Variants in FRMD6 observed in about 807,000 individuals in gnomAD.
FRMD6 encodes FERM domain-containing protein 6.
In FRMD6, 37 loss-of-function variants were observed where a neutral mutation model predicts 73.2. That is an observed-to-expected ratio of 0.51 (90% CI 0.39 to 0.66). The LOEUF is 0.66. Ranked by LOEUF, FRMD6 falls within the 30% of genes least tolerant of loss-of-function variation. The probability of loss-of-function intolerance (pLI) is 0.00; values close to 1 mark genes in which losing one functional copy is unlikely to be tolerated. For missense variants in FRMD6, 714 were observed against 780.5 expected (o/e 0.91, Z 1.02); for synonymous variants, 273 against 282.2 (o/e 0.97, Z 0.33).
the FRMD6 span, among the ~76,000 whole-genome samples, chr14:51,406,397 G>C: frequency 1.1e-4 from 16 of 151,996 alleles, 1 homozygote; most frequent in Admixed American, 1.0e-3. Context: ...CATTGAACCT[G>C]TAAATTGCTG....
At chr14:51,643,836 T>A (rs192664894) in intron 2 of FRMD6, 4 of 152,288 alleles carry the variant, frequency 2.6e-5, no homozygotes, top group African/African-American at 7.2e-5. Flanking sequence ...AACTATTCTG[T>A]TCCCAAGCGT....
Position 51,709,619 on chromosome 14 carries a change from C to T in FRMD6, c.714+1386C>T, listed in dbSNP as rs905227948. ...TTAATGCCCCATCTTCCTTGAAAGG[C>T]ATAATTGAGTTCCATAAGATCTGTT... is the stretch of plus-strand genomic sequence containing the variant. On this transcript the variant is annotated intron_variant, in intron 7 of 13. Transcript: ENST00000344768. 5.3e-5 allele frequency among the ~76,000 whole-genome samples: 8 copies of T among 152,248 alleles called. No homozygotes were observed. The South Asian group carries it at 1.7e-3, about 32-fold the overall frequency.
At chr14:51,465,202 A>G in the FRMD6 span, among the ~76,000 whole-genome samples, 2 of 152,224 alleles carry the variant, frequency 1.3e-5, no homozygotes, top group African/African-American at 4.8e-5. Context: ...CGATAATGCT[A>G]TTTTTAGGTT....
At chr14:51,588,013 C>T (rs1260672228) in intron 2 of FRMD6, among the ~76,000 whole-genome samples, 4 of 151,682 alleles carry the variant, frequency 2.6e-5, no homozygotes, top group Non-Finnish European at 2.9e-5. Flanking sequence ...TATTTTCTTT[C>T]GTTTTCATTA....
intron 2 of FRMD6, among the ~76,000 whole-genome samples, chr14:51,644,387 A>ACACACTCT (rs1489278384): frequency 8.7e-6 from 1 of 114,948 alleles, no homozygotes; most frequent in Admixed American, 9.1e-5. Context: ...ACACACACAC[A>ACACACTCT]CTCACTCACT....
chr14:51,656,353 C>T (rs539616157), intron 1 of FRMD6, among the ~76,000 whole-genome samples: 39 of 151,994 alleles, frequency 2.6e-4, no homozygotes, highest in African/African-American at 9.4e-4. Flanking sequence ...AATACAGTCG[C>T]AAGGAGAAGG....
chr14:51,512,034 T>C (rs1314283315), intron 1 of FRMD6, among the ~76,000 whole-genome samples: 2 of 152,182 alleles, frequency 1.3e-5, no homozygotes, highest in Non-Finnish European at 2.9e-5. Context: ...ATAGGAATCA[T>C]ATGATTTTTT....
intron 2 of FRMD6, among the ~76,000 whole-genome samples, chr14:51,611,954 T>C (rs1053752144): frequency 2.0e-5 from 3 of 152,184 alleles, no homozygotes; most frequent in Non-Finnish European, 2.9e-5. Context: ...AAATTTTATA[T>C]GATCACAAAT....
At chr14:51,451,025 C>T in the FRMD6 span, among the ~76,000 whole-genome samples, 2 of 152,238 alleles carry the variant, frequency 1.3e-5, no homozygotes, top group Middle Eastern at 3.4e-3. Flanking sequence ...CAGGTAATGA[C>T]GTGGAGGAGT....
chr14:51,468,137 A>G, the FRMD6 span, among the ~76,000 whole-genome samples: 4 of 152,080 alleles, frequency 2.6e-5, no homozygotes, highest in Non-Finnish European at 5.9e-5. Context: ...AAAAAAATAC[A>G]AAAACCAGTC....
At chr14:51,408,689 T>C in the FRMD6 span, among the ~76,000 whole-genome samples, 21 of 152,214 alleles carry the variant, frequency 1.4e-4, no homozygotes, top group African/African-American at 5.1e-4. Flanking sequence ...TCTTTAAACA[T>C]GTAAAGTATT....
the FRMD6 span, among the ~76,000 whole-genome samples, chr14:51,403,829 T>C: frequency 6.6e-6 from 1 of 152,244 alleles, no homozygotes; most frequent in Admixed American, 6.5e-5. Context: ...AACTCCACAA[T>C]TGATAAACTT....
intron 1 of FRMD6, among the ~76,000 whole-genome samples, chr14:51,506,245 T>C (rs1176129865): frequency 6.6e-6 from 1 of 152,178 alleles, no homozygotes; most frequent in Non-Finnish European, 1.5e-5. Flanking sequence ...AGCATAAATA[T>C]TGCCTTCTCT....
chr14:51,586,651 G>A (rs976225131), intron 2 of FRMD6, among the ~76,000 whole-genome samples: 1 of 151,934 alleles, frequency 6.6e-6, no homozygotes, highest in Non-Finnish European at 1.5e-5. Context: ...TATTTGCCTT[G>A]GGCAATGTCT....
At chr14:51,428,067 C>G in the FRMD6 span, among the ~76,000 whole-genome samples, 1 of 152,150 alleles carries the variant, frequency 6.6e-6, no homozygotes, top group South Asian at 2.1e-4. Context: ...TAAGTCTGGG[C>G]TGTGGGAAGA....
the FRMD6 span, among the ~76,000 whole-genome samples, chr14:51,449,958 C>A: frequency 6.6e-6 from 1 of 152,108 alleles, no homozygotes; most frequent in African/African-American, 2.4e-5. Flanking sequence ...TCCATCTGGG[C>A]CTGTGGTGAA....
intron 1 of FRMD6, among the ~76,000 whole-genome samples, chr14:51,670,717 C>T (rs1212560856): frequency 6.6e-6 from 1 of 151,520 alleles, no homozygotes; most frequent in African/African-American, 2.4e-5. Flanking sequence ...GCAGTCTTGG[C>T]TCACTGCAAC....
At chr14:51,668,461 A>G (rs953567760) in intron 1 of FRMD6, among the ~76,000 whole-genome samples, 1 of 151,972 alleles carries the variant, frequency 6.6e-6, no homozygotes, top group African/African-American at 2.4e-5. Flanking sequence ...ATGCACTACC[A>G]TGCTCGGCTA....
intron 1 of FRMD6, among the ~76,000 whole-genome samples, chr14:51,520,242 A>G (rs1307070793): frequency 1.3e-5 from 2 of 152,246 alleles, no homozygotes; most frequent in African/African-American, 4.8e-5. Flanking sequence ...CTCATTAGTC[A>G]TCGAGGAAAC....
Sources: allele counts gnomAD v4.1 joint callset (sites outside exome capture counted in the v4.1 genomes callset), GRCh38; gene constraint gnomAD v4.1.1; transcripts MANE v1.5; gene names NCBI Gene and HGNC (gene_info 2026-07-23, HGNC 2026-07-21).